SORCS3: variants seen among roughly 807,000 people sequenced by gnomAD.
SORCS3 encodes the protein VPS10 domain-containing receptor SorCS3.
A neutral mutation model predicts 146.3 loss-of-function variants in SORCS3; 57 were observed. That is an observed-to-expected ratio of 0.39 (90% CI 0.31 to 0.49). SORCS3 has a LOEUF of 0.49. Among genes scored for constraint, SORCS3 ranks in the 20% least tolerant of loss-of-function variants. The pLI is 0.92. For missense variants in SORCS3, 1,341 were observed against 1,575.5 expected (o/e 0.85, Z 2.52); for synonymous variants, 653 against 618.5 (o/e 1.06, Z -0.83).
At chr10:104,732,614 G>A (rs1362768924) in intron 1 of SORCS3, among the ~76,000 whole-genome samples, 2 of 152,208 alleles carry the variant, frequency 1.3e-5, no homozygotes, top group African/African-American at 2.4e-5. Context: ...TAAATGGGAT[G>A]AGCCTCTGCT....
At chr10:104,691,105 A>G (rs1435429666) in intron 1 of SORCS3, among the ~76,000 whole-genome samples, 1 of 152,178 alleles carries the variant, frequency 6.6e-6, no homozygotes, top group African/African-American at 2.4e-5. Context: ...CTGACATGCA[A>G]TAAAAGATGG....
intron 2 of SORCS3, among the ~76,000 whole-genome samples, chr10:104,880,684 T>C (rs150082236): frequency 6.4e-4 from 97 of 152,258 alleles, no homozygotes; most frequent in African/African-American, 2.2e-3. Context: ...GAAACATTCT[T>C]GCAGAACATT....
chr10:104,811,812 C>G (rs1276499268), intron 1 of SORCS3, among the ~76,000 whole-genome samples: 1 of 152,070 alleles, frequency 6.6e-6, no homozygotes. Flanking sequence ...CTTTTGCAGG[C>G]AGGGAAATGA....
intron 2 of SORCS3, among the ~76,000 whole-genome samples, chr10:104,877,351 A>G (rs2018586826): frequency 6.6e-6 from 1 of 152,010 alleles, no homozygotes; most frequent in Admixed American, 6.6e-5. Context: ...CTTCCAATCC[A>G]CAGTGATCAA....
chr10:104,646,345 C>T (rs904642519), intron 1 of SORCS3, among the ~76,000 whole-genome samples: 6 of 152,152 alleles, frequency 3.9e-5, no homozygotes, highest in East Asian at 1.9e-4. Context: ...AAGGAATGCC[C>T]GGGAGTGGCT....
At position 104,746,966 on chromosome 10, in the gene SORCS3, A is replaced by G. The variant is rs563979475; in HGVS notation, c.628-95826A>G. 1.6e-4 allele frequency among the ~76,000 whole-genome samples: 24 copies of G among 152,336 alleles called. 1 individual carries two copies. In the South Asian group the frequency reaches 4.8e-3, roughly 30 times the overall value. On this transcript the variant is annotated intron_variant, in intron 1 of 26. Transcript: ENST00000369701. ...ATGAGAAACAAGTATTAAAATGAGA[A>G]GACTGAGGCTCAGAGAGGTTTATTT...
intron 1 of SORCS3, among the ~76,000 whole-genome samples, chr10:104,818,942 G>A (rs1424793128): frequency 6.6e-6 from 1 of 151,878 alleles, no homozygotes; most frequent in Non-Finnish European, 1.5e-5. Context: ...TTTGCCTTAT[G>A]ATAAAAACAA....
intron 1 of SORCS3, among the ~76,000 whole-genome samples, chr10:104,815,486 A>G (rs2017787202): frequency 6.8e-6 from 1 of 147,412 alleles, no homozygotes; most frequent in South Asian, 2.2e-4. Flanking sequence ...CCCACTGGGT[A>G]TCTTGGAGCA....
rs775270765 is a variant in SORCS3 at position 104,915,968 on chromosome 10, G to C, written c.795+36G>C. 4.7e-6 allele frequency: 7 copies of C among 1,500,278 alleles called. No homozygotes were observed. The South Asian group carries it at 5.6e-5, about 12-fold the overall frequency. The allele number at this position is 1,500,278 out of a possible 1,614,324, so 92.9% of individuals were successfully genotyped here. A position where few individuals can be genotyped will look rare whatever the true frequency, so the allele number is the denominator to read the frequency against. ...GGGTCAGTAGGTCCTGAGCACTCCT[G>C]CTGGGTAGCTGTGCTGATTAGGGCC... On this transcript the variant is annotated intron_variant, in intron 3 of 26. Transcript: ENST00000369701.
Position 104,661,850 on chromosome 10 carries a change from AGAG to A in SORCS3, c.627+19897_627+19899del, listed in dbSNP as rs558736471. ...CGGCCTTCTGGGAACTTAAAATCTA[AGAG>A]AAGTATGTGTAGGTGGAAGGATGGA... On this transcript the variant is annotated intron_variant, in intron 1 of 26. Transcript: ENST00000369701. Among the ~76,000 whole-genome samples, 146 of 152,342 alleles carry A rather than the reference AGAG, an allele frequency of 9.6e-4. 1 individual carries two copies. Among genetic ancestry groups the A allele is most frequent in the African/African-American group, 3.3e-3 (136 of 41,592 alleles).
chr10:105,187,164 C>T (rs1370017456), intron 14 of SORCS3, among the ~76,000 whole-genome samples: 2 of 151,942 alleles, frequency 1.3e-5, no homozygotes. Flanking sequence ...CTTCCTTTTG[C>T]TTCTTCTCTC....
At chr10:104,734,913 T>C (rs191412516) in intron 1 of SORCS3, among the ~76,000 whole-genome samples, 71 of 152,322 alleles carry the variant, frequency 4.7e-4, no homozygotes, top group African/African-American at 1.6e-3. Flanking sequence ...TTAAATGAGA[T>C]GAAGTATGTG....
At chr10:104,951,221 C>G (rs1472333004) in intron 3 of SORCS3, among the ~76,000 whole-genome samples, 1 of 152,146 alleles carries the variant, frequency 6.6e-6, no homozygotes, top group East Asian at 1.9e-4. Context: ...ATTTTTTCTT[C>G]TCTATTAGAC....
At chr10:104,737,322 T>C (rs949568680) in intron 1 of SORCS3, among the ~76,000 whole-genome samples, 4 of 151,870 alleles carry the variant, frequency 2.6e-5, no homozygotes, top group Non-Finnish European at 4.4e-5. Flanking sequence ...TCAAATGGTA[T>C]TTCTAGTTCT....
chr10:104,937,644 T>G (rs375274582), intron 3 of SORCS3, among the ~76,000 whole-genome samples: 1 of 152,268 alleles, frequency 6.6e-6, no homozygotes, highest in Admixed American at 6.5e-5. Context: ...GCAAAGTAAG[T>G]TCGGGTCTTG....
chr10:105,101,132 C>T (rs992185146), intron 6 of SORCS3, among the ~76,000 whole-genome samples: 5 of 152,158 alleles, frequency 3.3e-5, no homozygotes, highest in East Asian at 1.9e-4. Flanking sequence ...TTGTTGGAAG[C>T]CTATTTGGGG....
chr10:105,146,347 C>T (rs910509411), intron 8 of SORCS3, among the ~76,000 whole-genome samples: 3 of 151,918 alleles, frequency 2.0e-5, no homozygotes, highest in African/African-American at 7.3e-5. Context: ...CCAGACAGAG[C>T]AAGACCCTGT....
At chr10:104,731,452 C>T (rs2133453123) in intron 1 of SORCS3, among the ~76,000 whole-genome samples, 1 of 152,234 alleles carries the variant, frequency 6.6e-6, no homozygotes, top group African/African-American at 2.4e-5. Context: ...CATCTCTATC[C>T]CAGAAGTCAC....
At chr10:105,085,439 C>A (rs2055653999) in intron 5 of SORCS3, among the ~76,000 whole-genome samples, 2 of 152,180 alleles carry the variant, frequency 1.3e-5, no homozygotes, top group Non-Finnish European at 2.9e-5. Flanking sequence ...AGGGACAGAG[C>A]AGTTTTGAAG....
Sources: gnomAD v4.1 joint callset for allele counts (sites outside exome capture counted in the v4.1 genomes callset) on GRCh38, gnomAD v4.1.1 for gene constraint, MANE v1.5 for transcripts, NCBI Gene and HGNC (gene_info 2026-07-23, HGNC 2026-07-21) for gene names.